ZNF385B: variants seen among roughly 807,000 people sequenced by gnomAD.
ZNF385B encodes zinc finger protein 533.
Under a neutral mutation model 39.2 loss-of-function variants are expected in ZNF385B, and 23 were observed. That is an observed-to-expected ratio of 0.59 (90% confidence interval 0.42 to 0.83). The LOEUF is 0.83. Among genes scored for constraint, ZNF385B ranks in the 40% least tolerant of loss-of-function variants. The probability of loss-of-function intolerance (pLI) is 0.00; values close to 1 mark genes in which losing one functional copy is unlikely to be tolerated. For synonymous variants in ZNF385B, 205 were observed against 222.6 expected, an observed-to-expected ratio of 0.92 and a Z score of 0.70; for missense variants, 552 against 598.9, an observed-to-expected ratio of 0.92 and a Z score of 0.82.
intron 6 of ZNF385B, among the ~76,000 whole-genome samples, chr2:179,482,679 C>T (rs1163231876): frequency 1.3e-5 from 2 of 152,062 alleles, no homozygotes; most frequent in African/African-American, 2.4e-5. Flanking sequence ...GAAATCATTC[C>T]CTTAAAATAT....
intron 3 of ZNF385B, among the ~76,000 whole-genome samples, chr2:179,572,574 G>A (rs1263707654): frequency 1.3e-5 from 2 of 152,150 alleles, no homozygotes; most frequent in East Asian, 3.9e-4. Context: ...AGACTCAACA[G>A]GACATGACAA....
intron 1 of ZNF385B, among the ~76,000 whole-genome samples, chr2:179,785,126 C>A (rs1575486784): frequency 6.6e-6 from 1 of 152,164 alleles, no homozygotes; most frequent in African/African-American, 2.4e-5. Context: ...ACAAATTATA[C>A]AATTTCATCT....
intron 3 of ZNF385B, among the ~76,000 whole-genome samples, chr2:179,649,561 T>C (rs1457556900): frequency 6.6e-6 from 1 of 152,196 alleles, no homozygotes; most frequent in Non-Finnish European, 1.5e-5. Context: ...GGGGTAAATA[T>C]GTCATACTAT....
intron 3 of ZNF385B, among the ~76,000 whole-genome samples, chr2:179,630,323 GAT>G (rs1276579597): frequency 6.6e-6 from 1 of 152,226 alleles, no homozygotes; most frequent in Non-Finnish European, 1.5e-5. Flanking sequence ...CCAGAGGAAG[GAT>G]CAGGCAGCAA....
At chr2:179,804,452 T>C (rs1244885661) in intron 1 of ZNF385B, among the ~76,000 whole-genome samples, 2 of 152,286 alleles carry the variant, frequency 1.3e-5, no homozygotes, top group Non-Finnish European at 2.9e-5. Context: ...AGATATAATA[T>C]GGCATAAACG....
At chr2:179,679,042 G>C (rs1016164402) in intron 3 of ZNF385B, among the ~76,000 whole-genome samples, 1 of 152,050 alleles carries the variant, frequency 6.6e-6, no homozygotes, top group Non-Finnish European at 1.5e-5. Flanking sequence ...TCAATGCTTT[G>C]CAGTGTTAGA....
intron 3 of ZNF385B, among the ~76,000 whole-genome samples, chr2:179,727,568 A>G (rs967635511): frequency 6.6e-6 from 1 of 152,110 alleles, no homozygotes; most frequent in Non-Finnish European, 1.5e-5. Flanking sequence ...TAATCTACTT[A>G]AGTAGACCAT....
At chr2:179,834,831 T>A (rs78712196) in intron 1 of ZNF385B, among the ~76,000 whole-genome samples, 7,179 of 152,312 alleles carry the variant, frequency 0.047, 243 homozygotes, top group Non-Finnish European at 0.071. Context: ...ATAAGCCTCC[T>A]GGTATTATAT....
intron 3 of ZNF385B, among the ~76,000 whole-genome samples, chr2:179,599,070 G>A (rs572248792): frequency 2.6e-5 from 4 of 152,246 alleles, no homozygotes; most frequent in African/African-American, 4.8e-5. Flanking sequence ...GTCATGAGTC[G>A]CGTAATGATT....
At chr2:179,503,844 A>C (rs564574405) in intron 5 of ZNF385B, among the ~76,000 whole-genome samples, 1 of 131,230 alleles carries the variant, frequency 7.6e-6, no homozygotes, top group East Asian at 2.2e-4. Context: ...TCCATGGTGT[A>C]TATGTGCCAC....
chr2:179,687,020 A>G (rs926673586), intron 3 of ZNF385B, among the ~76,000 whole-genome samples: 2 of 147,526 alleles, frequency 1.4e-5, no homozygotes, highest in Non-Finnish European at 3.0e-5. Context: ...TTAGTAGGCT[A>G]ATTTCAGTGT....
At chr2:179,784,489 A>T (rs1704868415) in intron 1 of ZNF385B, among the ~76,000 whole-genome samples, 1 of 152,102 alleles carries the variant, frequency 6.6e-6, no homozygotes, top group South Asian at 2.1e-4. Flanking sequence ...AAAAGAAAAA[A>T]AAACTGTTGC....
intron 3 of ZNF385B, among the ~76,000 whole-genome samples, chr2:179,757,210 G>C (rs1214988290): frequency 5.3e-5 from 8 of 151,738 alleles, no homozygotes; most frequent in African/African-American, 2.0e-4. Flanking sequence ...AGGTCTGTTG[G>C]AGTTTGCTGG....
chr2:179,785,298 A>G (rs1288968462), intron 1 of ZNF385B, among the ~76,000 whole-genome samples: 2 of 152,172 alleles, frequency 1.3e-5, no homozygotes, highest in African/African-American at 4.8e-5. Context: ...CAATTTGTAG[A>G]AATCCATTGA....
intron 3 of ZNF385B, among the ~76,000 whole-genome samples, chr2:179,661,952 TAAA>T (rs1301236066): frequency 6.6e-6 from 1 of 152,236 alleles, no homozygotes; most frequent in East Asian, 1.9e-4. Flanking sequence ...AATTTACACT[TAAA>T]AAGAAGTACT....
chr2:179,829,553 G>A (rs933835419), intron 1 of ZNF385B, among the ~76,000 whole-genome samples: 7 of 151,686 alleles, frequency 4.6e-5, no homozygotes, highest in Admixed American at 6.6e-5. Context: ...TTGCTCTGTC[G>A]CCCAGGCTGG....
intron 1 of ZNF385B, among the ~76,000 whole-genome samples, chr2:179,813,474 T>G (rs1706862286): frequency 6.6e-6 from 1 of 152,122 alleles, no homozygotes; most frequent in South Asian, 2.1e-4. Flanking sequence ...GACAAATGGT[T>G]GACAACATTA....
chr2:179,761,761 CTTTTTT>C (rs34325728), intron 3 of ZNF385B, among the ~76,000 whole-genome samples: 1 of 110,288 alleles, frequency 9.1e-6, no homozygotes, highest in Admixed American at 1.0e-4. Flanking sequence ...TTTTTCTTTT[CTTTTTT>C]TTTTTTTTTT....
chr2:179,846,504 A>G (rs936305355), intron 1 of ZNF385B, among the ~76,000 whole-genome samples: 45 of 152,164 alleles, frequency 3.0e-4, no homozygotes, highest in African/African-American at 9.2e-4. Flanking sequence ...TAGCCCATTT[A>G]CCTGCGTGGA....
Sources: gnomAD v4.1 joint callset for allele counts (sites outside exome capture counted in the v4.1 genomes callset) on GRCh38, gnomAD v4.1.1 for gene constraint, MANE v1.5 for transcripts, NCBI Gene and HGNC (gene_info 2026-07-23, HGNC 2026-07-21) for gene names.